Variants in DACH1 observed in about 807,000 individuals in gnomAD.
DACH1 encodes the protein dachshund homolog 1.
DACH1 carries 12 observed loss-of-function variants against 54.2 expected under a neutral mutation model. The ratio of observed to expected loss-of-function variants is 0.22; its 90% CI spans 0.14 to 0.36. The LOEUF is 0.36. Among genes scored for constraint, DACH1 ranks in the 10% least tolerant of loss-of-function variants. The pLI, the probability that DACH1 is intolerant of heterozygous loss-of-function variation, is 1.00. For synonymous variants in DACH1, 386 were observed against 366.2 expected (o/e 1.05, Z -0.62); for missense variants, 805 against 929.8 (o/e 0.87, Z 1.75).
At chr13:71,621,328 T>A (rs73521277) in intron 3 of DACH1, among the ~76,000 whole-genome samples, 1 of 152,038 alleles carries the variant, frequency 6.6e-6, no homozygotes, top group Non-Finnish European at 1.5e-5. Flanking sequence ...AAAAAGTCCC[T>A]GTCGCATTTG....
chr13:71,808,352 T>A (rs1458781205), intron 1 of DACH1, among the ~76,000 whole-genome samples: 1 of 152,190 alleles, frequency 6.6e-6, no homozygotes, highest in Non-Finnish European at 1.5e-5. Context: ...TGACCAGGAT[T>A]ATCCATTTTA....
At chr13:71,800,758 C>T (rs1887259022) in intron 1 of DACH1, among the ~76,000 whole-genome samples, 1 of 152,000 alleles carries the variant, frequency 6.6e-6, no homozygotes, top group Non-Finnish European at 1.5e-5. Flanking sequence ...ATCCAAACAT[C>T]TACATGGTAT....
chr13:71,856,603 G>A (rs1454498180), intron 1 of DACH1, among the ~76,000 whole-genome samples: 5 of 151,832 alleles, frequency 3.3e-5, no homozygotes, highest in Admixed American at 3.3e-4. Flanking sequence ...CTGTGTACAA[G>A]GTTTTATATT....
intron 3 of DACH1, among the ~76,000 whole-genome samples, chr13:71,630,120 T>C (rs1201629196): frequency 6.6e-6 from 1 of 152,176 alleles, no homozygotes. Context: ...GGGCAGCATA[T>C]GAAAGGGCTA....
At chr13:71,675,202 G>A in intron 2 of DACH1, 2 of 1,572,878 alleles carry the variant, frequency 1.3e-6, no homozygotes, top group South Asian at 1.1e-5. Flanking sequence ...GCCTGGTACT[G>A]TGGCGCTCCG....
intron 6 of DACH1, among the ~76,000 whole-genome samples, chr13:71,495,863 G>A (rs9542711): frequency 0.85 from 128,639 of 152,108 alleles, 57,966 homozygotes; most frequent in Non-Finnish European, 0.99. Flanking sequence ...GCACTTGTAT[G>A]TTTATTACAG....
chr13:71,840,231 A>T (rs1334322675), intron 1 of DACH1, among the ~76,000 whole-genome samples: 1 of 152,174 alleles, frequency 6.6e-6, no homozygotes, highest in Admixed American at 6.5e-5. Context: ...TACAGGCATG[A>T]GCCACCACGC....
Position 71,492,742 on chromosome 13 carries a change from A to AGT in DACH1, c.1571-3596_1571-3595dup, listed in dbSNP as rs112271287. Among the ~76,000 whole-genome samples the AGT allele has an allele frequency of 4.3e-3, 604 of 139,770 alleles. 3 individuals are homozygous for AGT. The highest frequency in any genetic ancestry group is 0.017 in the South Asian group (72 of 4,344). The allele number at this position is 139,770 out of a possible 152,430, so 91.7% of individuals were successfully genotyped here. On this transcript the variant is annotated intron_variant, in intron 6 of 10. Coordinates refer to ENST00000613252, the MANE Select transcript of DACH1 (RefSeq NM_080759.6). ...CCCTCTCTTGTTCTGTGTGTGTGTG[A>AGT]GTGTGTGTGTGTGTGTGTGAGTGTA...
Position 71,831,682 on chromosome 13 carries a change from G to A in DACH1, c.848+34240C>T, listed in dbSNP as rs565930719. On this transcript the variant is annotated intron_variant, in intron 1 of 10. Transcript: ENST00000613252. ...TACTGGGATTGCTCCCAAATGTTCA[G>A]TTTAATTTAAGTACTTTCTGATTCA... Among the ~76,000 whole-genome samples the A allele has an allele frequency of 1.4e-4, 21 of 152,072 alleles. No individual in the cohort carries two copies. The East Asian group carries it at 3.9e-3, about 28-fold the overall frequency.
At chr13:71,533,010 A>G (rs555923953) in intron 6 of DACH1, among the ~76,000 whole-genome samples, 2 of 152,068 alleles carry the variant, frequency 1.3e-5, no homozygotes, top group South Asian at 4.1e-4. Flanking sequence ...TTATCTGATT[A>G]GAGACAACTA....
chr13:71,562,676 C>T (rs916634054), intron 4 of DACH1, among the ~76,000 whole-genome samples: 7 of 152,016 alleles, frequency 4.6e-5, no homozygotes, highest in Non-Finnish European at 7.4e-5. Context: ...GGCAAACAAA[C>T]GACCAACAGT....
intron 3 of DACH1, among the ~76,000 whole-genome samples, chr13:71,577,951 G>A (rs562714605): frequency 2.6e-5 from 4 of 151,906 alleles, no homozygotes; most frequent in South Asian, 4.2e-4. Flanking sequence ...TATATCCAAC[G>A]AGAAACAGGT....
intron 6 of DACH1, among the ~76,000 whole-genome samples, chr13:71,505,825 C>G (rs1368271580): frequency 6.6e-6 from 1 of 151,984 alleles, no homozygotes; most frequent in African/African-American, 2.4e-5. Context: ...TCCACTTTAG[C>G]CTATATACCT....
chr13:71,598,105 G>C (rs1874238077), intron 3 of DACH1, among the ~76,000 whole-genome samples: 1 of 151,046 alleles, frequency 6.6e-6, no homozygotes, highest in Non-Finnish European at 1.5e-5. Context: ...GCAGAAATAA[G>C]ATAGGAAAAA....
chr13:71,793,701 AT>A (rs1886924034), intron 1 of DACH1, among the ~76,000 whole-genome samples: 1 of 151,754 alleles, frequency 6.6e-6, no homozygotes, highest in African/African-American at 2.4e-5. Context: ...GGCTAATTTT[AT>A]TTTTTGTAGA....
At chr13:71,753,554 T>A (rs949543240) in intron 1 of DACH1, among the ~76,000 whole-genome samples, 6 of 152,190 alleles carry the variant, frequency 3.9e-5, no homozygotes, top group Admixed American at 6.6e-5. Context: ...GAAGTTAGTA[T>A]ATCCAGGTCT....
At position 71,498,816 on chromosome 13, in the gene DACH1, G is replaced by T. The variant is rs536678949; in HGVS notation, c.1571-9668C>A. Reference sequence around the variant, plus strand: ...CCTGAAGAAACTGTATTTTTAGGGGGAAATCATATTTTCTATTATTATGCT... The same window carrying T: ...CCTGAAGAAACTGTATTTTTAGGGGTAAATCATATTTTCTATTATTATGCT... On this transcript the variant is annotated intron_variant, in intron 6 of 10. Transcript: ENST00000613252. 3.3e-5 allele frequency among the ~76,000 whole-genome samples: 5 copies of T among 152,082 alleles called. No individual in the cohort carries two copies. In the South Asian group the frequency reaches 1.0e-3, roughly 32 times the overall value.
intron 7 of DACH1, among the ~76,000 whole-genome samples, chr13:71,487,380 T>C (rs1031743209): frequency 6.6e-6 from 1 of 152,200 alleles, no homozygotes; most frequent in African/African-American, 2.4e-5. Context: ...ATTTTAAAGC[T>C]GGAGTGTTCT....
At chr13:71,865,837 G>A (rs1256956262) in intron 1 of DACH1, 85 bp downstream of exon 1, 5 of 1,351,602 alleles carry the variant, frequency 3.7e-6, no homozygotes, top group African/African-American at 1.5e-5. Flanking sequence ...CGCGCAGAGC[G>A]AGCGGCGCCG....
Sources: gnomAD v4.1 joint callset for allele counts (sites outside exome capture counted in the v4.1 genomes callset) on GRCh38, gnomAD v4.1.1 for gene constraint, MANE v1.5 for transcripts, NCBI Gene and HGNC (gene_info 2026-07-23, HGNC 2026-07-21) for gene names.